JAKMIP2: variants seen among roughly 807,000 people sequenced by gnomAD.
JAKMIP2 encodes the protein janus kinase and microtubule interacting protein 2, also known as janus kinase and microtubule-interacting protein 2.
JAKMIP2 carries 25 observed loss-of-function variants against 115.0 expected under a neutral mutation model. The observed-to-expected ratio is 0.22, with a 90% CI of 0.16 to 0.30. The LOEUF (loss-of-function observed/expected upper bound fraction) is 0.30, where lower values mean the gene tolerates loss of function less well. Ranked by LOEUF, JAKMIP2 falls within the 10% of genes least tolerant of loss-of-function variation. The probability of loss-of-function intolerance (pLI) is 1.00; values close to 1 mark genes in which losing one functional copy is unlikely to be tolerated. For missense variants in JAKMIP2, 642 were observed against 957.6 expected, an observed-to-expected ratio of 0.67 and a Z score of 4.35; for synonymous variants, 334 against 343.6, an observed-to-expected ratio of 0.97 and a Z score of 0.31.
chr5:147,600,004 G>T (rs1234257775), intron 21 of JAKMIP2, among the ~76,000 whole-genome samples: 2 of 150,388 alleles, frequency 1.3e-5, no homozygotes, highest in African/African-American at 4.9e-5. Flanking sequence ...TACTTACAAG[G>T]TTTGATATTT....
chr5:147,681,871 A>G (rs1339150661), intron 1 of JAKMIP2, among the ~76,000 whole-genome samples: 2 of 151,910 alleles, frequency 1.3e-5, no homozygotes, highest in African/African-American at 4.8e-5. Flanking sequence ...GAGAAATCTC[A>G]TCTCCACAAA....
intron 1 of JAKMIP2, among the ~76,000 whole-genome samples, chr5:147,725,846 C>T (rs1753495581): frequency 6.6e-6 from 1 of 152,128 alleles, no homozygotes; most frequent in South Asian, 2.1e-4. Context: ...CTGCCTTGCA[C>T]TCTTTGCTGA....
At chr5:147,673,017 G>A (rs572751133) in intron 1 of JAKMIP2, among the ~76,000 whole-genome samples, 5 of 152,198 alleles carry the variant, frequency 3.3e-5, no homozygotes, top group Non-Finnish European at 7.3e-5. Flanking sequence ...TTCTTGGCAG[G>A]TGTGTGCCCT....
intron 1 of JAKMIP2, among the ~76,000 whole-genome samples, chr5:147,683,457 A>G (rs1760407534): frequency 6.6e-6 from 1 of 152,174 alleles, no homozygotes; most frequent in Non-Finnish European, 1.5e-5. Flanking sequence ...ATGCCACTGC[A>G]CTCCAGCCTG....
chr5:147,652,253 T>G (rs569126416), intron 3 of JAKMIP2, among the ~76,000 whole-genome samples: 1 of 152,340 alleles, frequency 6.6e-6, no homozygotes, highest in Admixed American at 6.5e-5. Context: ...TGAAGCCGTA[T>G]TTTTAATGGA....
chr5:147,731,304 G>A (rs1753724674), intron 1 of JAKMIP2, among the ~76,000 whole-genome samples: 1 of 152,134 alleles, frequency 6.6e-6, no homozygotes, highest in Admixed American at 6.5e-5. Flanking sequence ...ACACTTCTGG[G>A]TAAAGCAATG....
chr5:147,695,924 A>T (rs1373683732), intron 1 of JAKMIP2, among the ~76,000 whole-genome samples: 1 of 152,132 alleles, frequency 6.6e-6, no homozygotes, highest in Non-Finnish European at 1.5e-5. Context: ...GCCCACAAAG[A>T]TGAAGTGTTT....
intron 1 of JAKMIP2, among the ~76,000 whole-genome samples, chr5:147,751,724 C>T (rs775104108): frequency 1.1e-4 from 16 of 151,962 alleles, no homozygotes; most frequent in Non-Finnish European, 1.8e-4. Flanking sequence ...TCTTTCTGGT[C>T]GAAAAAGTTT....
rs1758950879 is a variant in JAKMIP2 at position 147,661,199 on chromosome 5, T to C, written c.376A>G (p.Ser126Gly). The change falls in exon 3 of 22, where the codon AGT (serine) becomes GGT (glycine). Residue 126 changes from serine to glycine, a missense_variant. Transcript: ENST00000616793. ...GTGAGCGCTGTCCTTACTTTGTCAC[T>C]GCTGCCGTCGCGGAGAGCACAGAGA... Reference protein sequence around the residue: ...SALCALRDGSSDKVRTALTIE... With the variant: ...SALCALRDGSGDKVRTALTIE... 6.2e-7 allele frequency: 1 copy of C among 1,614,092 alleles called. No individual in the cohort carries two copies. The highest frequency in any genetic ancestry group is 8.5e-7 in the Non-Finnish European group (1 of 1,180,032).
intron 13 of JAKMIP2, 87 bp from the exon 14 acceptor site, chr5:147,631,598 G>C: frequency 1.3e-6 from 1 of 787,066 alleles, no homozygotes; most frequent in Non-Finnish European, 2.0e-6. Flanking sequence ...TGCTATTTCA[G>C]CAGTTTATTA....
rs917471625 is a variant in JAKMIP2 at position 147,739,918 on chromosome 5, C to G, written c.-149+42538G>C. Among the ~76,000 whole-genome samples, 3 of 152,216 alleles carry G rather than the reference C, an allele frequency of 2.0e-5. No homozygotes were observed. In the East Asian group the frequency reaches 5.8e-4, roughly 29 times the overall value. Reference sequence around the variant, plus strand: ...CCCCTGCCCATTTTCCACCTAGGGTCATAGAAAGACTATGTCTAGTATGCA... The same window carrying G: ...CCCCTGCCCATTTTCCACCTAGGGTGATAGAAAGACTATGTCTAGTATGCA... On this transcript the variant is annotated intron_variant, in intron 1 of 21. Coordinates refer to ENST00000616793, the MANE Select transcript of JAKMIP2 (RefSeq NM_001270941.2).
chr5:147,682,638 T>A (rs1385264144), intron 1 of JAKMIP2, among the ~76,000 whole-genome samples: 1 of 152,192 alleles, frequency 6.6e-6, no homozygotes, highest in Non-Finnish European at 1.5e-5. Flanking sequence ...TTAACATTGA[T>A]CCAGATCCAA....
At chr5:147,648,308 A>G in intron 5 of JAKMIP2, 68 bp downstream of exon 5, 1 of 814,308 alleles carries the variant, frequency 1.2e-6, no homozygotes, top group Middle Eastern at 2.3e-4. Context: ...CGTATCTATA[A>G]CATAGTATGT....
At position 147,652,696 on chromosome 5, in the gene JAKMIP2, T is replaced by G. The variant is rs1758464840; in HGVS notation, c.628-2149A>C. On this transcript the variant is annotated intron_variant, in intron 3 of 21. Transcript: ENST00000616793. ...TGGCTCAGATTTACTTTTTAAAATT[T>G]TAATGTTTATTTTACTTTAAGTTCT... Among the ~76,000 whole-genome samples, 5 of 152,190 alleles carry G rather than the reference T, an allele frequency of 3.3e-5. No individual in the cohort carries two copies. In the South Asian group the frequency reaches 1.0e-3, roughly 32 times the overall value.
At chr5:147,678,948 T>C (rs1177226100) in intron 1 of JAKMIP2, among the ~76,000 whole-genome samples, 7 of 151,976 alleles carry the variant, frequency 4.6e-5, no homozygotes, top group Non-Finnish European at 8.8e-5. Flanking sequence ...TGTTTTGATG[T>C]CCAACTACAT....
At chr5:147,707,662 G>A (rs1023389829) in intron 1 of JAKMIP2, among the ~76,000 whole-genome samples, 5 of 152,270 alleles carry the variant, frequency 3.3e-5, no homozygotes, top group Admixed American at 1.3e-4. Flanking sequence ...AAAATTGATA[G>A]ATATATTCAT....
chr5:147,704,826 A>G (rs929727761), intron 1 of JAKMIP2, among the ~76,000 whole-genome samples: 9 of 152,188 alleles, frequency 5.9e-5, no homozygotes, highest in South Asian at 4.1e-4. Flanking sequence ...GTTAGGAAGA[A>G]GCTTCTCCAA....
At chr5:147,755,215 AG>A (rs1243765247) in intron 1 of JAKMIP2, among the ~76,000 whole-genome samples, 1 of 152,222 alleles carries the variant, frequency 6.6e-6, no homozygotes, top group African/African-American at 2.4e-5. Context: ...AAAAGACAAC[AG>A]TCTTAAATAA....
At chr5:147,696,449 C>A (rs1752112378) in intron 1 of JAKMIP2, among the ~76,000 whole-genome samples, 1 of 152,170 alleles carries the variant, frequency 6.6e-6, no homozygotes. Flanking sequence ...TCTCCTTCTG[C>A]CATAATTTTA....
Sources: gnomAD v4.1 joint callset for allele counts (sites outside exome capture counted in the v4.1 genomes callset) on GRCh38, gnomAD v4.1.1 for gene constraint, MANE v1.5 for transcripts, NCBI Gene and HGNC (gene_info 2026-07-23, HGNC 2026-07-21) for gene names.